Variants in DDX10 observed in about 807,000 individuals in gnomAD.
The protein encoded by DDX10 is probable ATP-dependent RNA helicase DDX10.
Under a neutral mutation model 104.3 loss-of-function variants are expected in DDX10, and 74 were observed. The observed-to-expected ratio is 0.71, with a 90% confidence interval of 0.59 to 0.86. The LOEUF is 0.86. Among genes scored for constraint, DDX10 ranks in the 40% least tolerant of loss-of-function variants. DDX10 has a pLI of 0.00. For missense variants in DDX10, 952 were observed against 1,040.0 expected (o/e 0.92, Z 1.16); for synonymous variants, 351 against 353.4 (o/e 0.99, Z 0.08).
At position 108,803,345 on chromosome 11, in the gene DDX10, G is replaced by C. The variant is rs555025459; in HGVS notation, c.1966-35101G>C. ...ACGGCGGCTCACGCCTGTAATCCAA[G>C]CACTTTGGGAGGCCGAGGTGGGCGG... On this transcript the variant is annotated intron_variant, in intron 13 of 17. Transcript: ENST00000322536. Among the ~76,000 whole-genome samples the C allele has an allele frequency of 3.3e-5, 5 of 151,458 alleles. No homozygotes were observed. The South Asian group carries it at 1.0e-3, about 31-fold the overall frequency.
chr11:108,675,255 A>C (rs76789812), intron 2 of DDX10, among the ~76,000 whole-genome samples: 3,200 of 152,298 alleles, frequency 0.021, 108 homozygotes, highest in African/African-American at 0.073. Context: ...TAGTGGTTTT[A>C]TTAATAAACC....
chr11:108,834,246 C>A (rs1156358190), intron 13 of DDX10, among the ~76,000 whole-genome samples: 2 of 118,454 alleles, frequency 1.7e-5, no homozygotes, highest in Non-Finnish European at 4.0e-5. Context: ...TGGTTACAGG[C>A]ATGAGGCACC....
At chr11:108,916,177 A>T (rs1591124385) in intron 16 of DDX10, among the ~76,000 whole-genome samples, 1 of 152,176 alleles carries the variant, frequency 6.6e-6, no homozygotes, top group South Asian at 2.1e-4. Context: ...AACTGTTTTG[A>T]GTCTGCTCTG....
At chr11:108,844,308 G>A (rs963483121) in intron 15 of DDX10, among the ~76,000 whole-genome samples, 3 of 152,034 alleles carry the variant, frequency 2.0e-5, no homozygotes, top group East Asian at 1.9e-4. Context: ...TTCTCTATTC[G>A]ACTGATATAA....
At chr11:108,665,789 T>G (rs71489910) in intron 1 of DDX10, among the ~76,000 whole-genome samples, 1 of 152,128 alleles carries the variant, frequency 6.6e-6, no homozygotes, top group African/African-American at 2.4e-5. Context: ...TAGTAGGTGG[T>G]GTGGAATTGG....
intron 13 of DDX10, among the ~76,000 whole-genome samples, chr11:108,760,167 T>TC (rs113505298): frequency 0.01 from 1,549 of 151,632 alleles, 22 homozygotes; most frequent in African/African-American, 0.035. Flanking sequence ...GTGGGTTGAT[T>TC]CCCCCCCCAC....
intron 13 of DDX10, among the ~76,000 whole-genome samples, chr11:108,833,896 C>A (rs1862510187): frequency 6.6e-6 from 1 of 152,158 alleles, no homozygotes; most frequent in South Asian, 2.1e-4. Context: ...TTTGGACACC[C>A]AAACGCCCAA....
At chr11:108,873,649 T>G (rs1863112193) in intron 16 of DDX10, among the ~76,000 whole-genome samples, 1 of 152,190 alleles carries the variant, frequency 6.6e-6, no homozygotes, top group Non-Finnish European at 1.5e-5. Context: ...TCAAATTTCT[T>G]TCATAAAACC....
chr11:108,909,425 C>T (rs556143620), intron 16 of DDX10, among the ~76,000 whole-genome samples: 12 of 117,754 alleles, frequency 1.0e-4, no homozygotes, highest in African/African-American at 3.2e-4. Flanking sequence ...GTGCCCCACT[C>T]CCGCCCCTTC....
At chr11:108,673,397 C>A in intron 1 of DDX10, 70 bp from the exon 2 acceptor site, 1 of 997,834 alleles carries the variant, frequency 1.0e-6, no homozygotes, top group Non-Finnish European at 1.6e-6. Flanking sequence ...CTGGGCAATA[C>A]AATGTAGAGA....
chr11:108,866,157 T>G (rs2726911), intron 16 of DDX10, among the ~76,000 whole-genome samples: 109,937 of 151,918 alleles, frequency 0.72, 40,613 homozygotes, highest in South Asian at 0.79. Context: ...AGTTGGACTC[T>G]GGAGAGTGAA....
chr11:108,706,919 C>T (rs61914000), intron 10 of DDX10, 82 bp downstream of exon 10: 163,048 of 1,146,178 alleles, frequency 0.14, 13,422 homozygotes, highest in East Asian at 0.25. Context: ...CCTAATTTGC[C>T]CCTTCCCCTA....
intron 9 of DDX10, among the ~76,000 whole-genome samples, chr11:108,701,537 A>G (rs916511361): frequency 4.6e-5 from 7 of 152,184 alleles, no homozygotes; most frequent in Admixed American, 2.0e-4. Context: ...AGTCAATTGT[A>G]TAATGTAGAA....
chr11:108,847,234 A>G (rs906299453), intron 15 of DDX10, among the ~76,000 whole-genome samples: 3 of 152,234 alleles, frequency 2.0e-5, no homozygotes, highest in African/African-American at 7.2e-5. Flanking sequence ...TGTGTTTTCT[A>G]ATAATTCAGT....
At chr11:108,793,818 C>T (rs1176708755) in intron 13 of DDX10, among the ~76,000 whole-genome samples, 2 of 152,082 alleles carry the variant, frequency 1.3e-5, no homozygotes, top group Non-Finnish European at 2.9e-5. Flanking sequence ...CTCCCTCTCT[C>T]CTCACAGACA....
At chr11:108,859,193 G>A (rs1862908741) in intron 16 of DDX10, among the ~76,000 whole-genome samples, 1 of 152,134 alleles carries the variant, frequency 6.6e-6, no homozygotes, top group Admixed American at 6.5e-5. Context: ...AACCTGTTCA[G>A]GGCAGCCATT....
At chr11:108,853,508 T>C (rs1172651386) in intron 16 of DDX10, among the ~76,000 whole-genome samples, 2 of 152,182 alleles carry the variant, frequency 1.3e-5, no homozygotes, top group Non-Finnish European at 2.9e-5. Context: ...ATATGGTTTA[T>C]TTTTTATACT....
intron 16 of DDX10, among the ~76,000 whole-genome samples, chr11:108,888,653 T>C (rs193260347): frequency 1.5e-3 from 234 of 152,230 alleles, no homozygotes; most frequent in African/African-American, 5.1e-3. Context: ...CCTTTCCTAA[T>C]TGGATGAGAT....
intron 9 of DDX10, among the ~76,000 whole-genome samples, chr11:108,695,906 C>T (rs962835269): frequency 2.6e-5 from 4 of 151,884 alleles, no homozygotes; most frequent in African/African-American, 9.7e-5. Flanking sequence ...TAATGAAAGA[C>T]TATTTAAAAA....
Sources: gnomAD v4.1 joint callset for allele counts (sites outside exome capture counted in the v4.1 genomes callset) on GRCh38, gnomAD v4.1.1 for gene constraint, MANE v1.5 for transcripts, NCBI Gene and HGNC (gene_info 2026-07-23, HGNC 2026-07-21) for gene names.